Variants in CHST8 observed in about 807,000 individuals in gnomAD.
The protein encoded by CHST8 is GALNAC-4-ST1.
In CHST8, 10 loss-of-function variants were observed where a neutral mutation model predicts 15.0. The observed-to-expected ratio is 0.67, with a 90% confidence interval of 0.41 to 1.13. The LOEUF (loss-of-function observed/expected upper bound fraction) is 1.13. CHST8 is among the 50% of genes most tolerant of loss of function. The pLI, the probability that CHST8 is intolerant of heterozygous loss-of-function variation, is 0.00. For missense variants in CHST8, 634 were observed against 608.2 expected (o/e 1.04, Z -0.45); for synonymous variants, 259 against 256.6 (o/e 1.01, Z -0.09).
chr19:33,707,194 A>G (rs1193190341), intron 3 of CHST8, among the ~76,000 whole-genome samples: 1 of 152,190 alleles, frequency 6.6e-6, no homozygotes, highest in Non-Finnish European at 1.5e-5. Context: ...CTGGGACCAC[A>G]GGCACATGCC....
chr19:33,709,958 G>A (rs73033185), intron 3 of CHST8, among the ~76,000 whole-genome samples: 18,340 of 152,022 alleles, frequency 0.12, 1,153 homozygotes, highest in Middle Eastern at 0.18. Context: ...ACAGGTTCAT[G>A]CCACTACACC....
At chr19:33,746,445 T>A (rs1414418401) in intron 3 of CHST8, among the ~76,000 whole-genome samples, 6 of 152,174 alleles carry the variant, frequency 3.9e-5, no homozygotes, top group Non-Finnish European at 8.8e-5. Context: ...GATCCTACAG[T>A]GTGTGTTCCT....
intron 1 of CHST8, among the ~76,000 whole-genome samples, chr19:33,664,359 C>G (rs12979611): frequency 6.7e-6 from 1 of 150,288 alleles, no homozygotes; most frequent in African/African-American, 2.5e-5. Context: ...TATGTATACA[C>G]GTGCCATGCT....
intron 3 of CHST8, among the ~76,000 whole-genome samples, chr19:33,744,937 T>G (rs1974283819): frequency 6.6e-6 from 1 of 152,038 alleles, no homozygotes; most frequent in African/African-American, 2.4e-5. Context: ...TTAGTAGATA[T>G]GGGGTTTCAC....
chr19:33,669,021 A>G (rs1972699623), intron 2 of CHST8, among the ~76,000 whole-genome samples: 2 of 152,190 alleles, frequency 1.3e-5, no homozygotes, highest in South Asian at 2.1e-4. Context: ...TTATCCTTTC[A>G]GGAGTTGAAG....
chr19:33,747,003 A>G (rs973732052), intron 3 of CHST8, among the ~76,000 whole-genome samples: 1 of 152,196 alleles, frequency 6.6e-6, no homozygotes, highest in Non-Finnish European at 1.5e-5. Context: ...CAAACGGACT[A>G]TATATCATGA....
At chr19:33,765,178 C>T (rs976957680) in intron 3 of CHST8, among the ~76,000 whole-genome samples, 2 of 151,324 alleles carry the variant, frequency 1.3e-5, no homozygotes, top group Non-Finnish European at 1.5e-5. Flanking sequence ...AAGAGACACA[C>T]GTGTGCAACA....
At chr19:33,669,388 G>A (rs988445792) in intron 2 of CHST8, among the ~76,000 whole-genome samples, 5 of 152,188 alleles carry the variant, frequency 3.3e-5, no homozygotes, top group East Asian at 3.8e-4. Flanking sequence ...CAAAGATGGC[G>A]ACGTGCACCT....
chr19:33,640,179 G>A (rs1271522991), intron 1 of CHST8, among the ~76,000 whole-genome samples: 1 of 152,204 alleles, frequency 6.6e-6, no homozygotes, highest in Non-Finnish European at 1.5e-5. Context: ...TGACCCTAAT[G>A]TCAGAAATCT....
intron 1 of CHST8, among the ~76,000 whole-genome samples, chr19:33,631,408 T>G (rs77477148): frequency 0.034 from 5,242 of 152,196 alleles, 304 homozygotes; most frequent in African/African-American, 0.12. Context: ...GGATTTCCCC[T>G]CCCTGTTGCT....
chr19:33,744,728 C>A (rs1974277793), intron 3 of CHST8, among the ~76,000 whole-genome samples: 2 of 152,094 alleles, frequency 1.3e-5, no homozygotes, highest in South Asian at 4.1e-4. Flanking sequence ...CAACCCCCAC[C>A]TAATTAATTA....
chr19:33,660,851 T>C (rs1441717127), intron 1 of CHST8, among the ~76,000 whole-genome samples: 4 of 152,338 alleles, frequency 2.6e-5, no homozygotes, highest in Admixed American at 1.3e-4. Context: ...GCAGTACTGT[T>C]CAATAAGATT....
At chr19:33,751,491 G>A (rs1007976929) in intron 3 of CHST8, among the ~76,000 whole-genome samples, 1 of 152,206 alleles carries the variant, frequency 6.6e-6, no homozygotes, top group East Asian at 1.9e-4. Flanking sequence ...AGGCAGGCTG[G>A]TCTCCCCAGG....
intron 3 of CHST8, among the ~76,000 whole-genome samples, chr19:33,766,391 A>G (rs1974843346): frequency 6.6e-6 from 1 of 151,858 alleles, no homozygotes; most frequent in African/African-American, 2.4e-5. Context: ...CTCTCCCCCA[A>G]CCCGCCCACC....
intron 3 of CHST8, among the ~76,000 whole-genome samples, chr19:33,704,108 C>G (rs1383754040): frequency 2.0e-5 from 3 of 152,196 alleles, no homozygotes; most frequent in African/African-American, 4.8e-5. Context: ...AGAGGGTGGG[C>G]TGGCCCCATC....
chr19:33,669,652 T>G (rs1972710167), intron 2 of CHST8, among the ~76,000 whole-genome samples: 1 of 152,130 alleles, frequency 6.6e-6, no homozygotes, highest in Non-Finnish European at 1.5e-5. Flanking sequence ...CTGGAAAACT[T>G]CCATGAAACC....
chr19:33,744,497 T>C (rs1488291282), intron 3 of CHST8: 2 of 152,134 alleles, frequency 1.3e-5, no homozygotes, highest in Non-Finnish European at 2.9e-5. Context: ...CTGTTCCTTC[T>C]CAGCCAGGTG....
intron 3 of CHST8, among the ~76,000 whole-genome samples, chr19:33,742,152 C>G (rs1239968014): frequency 1.3e-5 from 2 of 152,202 alleles, no homozygotes; most frequent in Non-Finnish European, 2.9e-5. Context: ...TGGGGAAAGA[C>G]TGAGAAAACA....
intron 3 of CHST8, among the ~76,000 whole-genome samples, chr19:33,737,376 A>G (rs911814203): frequency 6.6e-6 from 1 of 152,162 alleles, no homozygotes; most frequent in Admixed American, 6.5e-5. Context: ...TGACAATTCC[A>G]TCCCCAGGTT....
Sources: allele counts gnomAD v4.1 joint callset (sites outside exome capture counted in the v4.1 genomes callset), GRCh38; gene constraint gnomAD v4.1.1; transcripts MANE v1.5; gene names NCBI Gene and HGNC (gene_info 2026-07-23, HGNC 2026-07-21).